Variants in MAPK8 observed in about 807,000 individuals in gnomAD.
MAPK8 encodes the protein JUN N-terminal kinase.
A neutral mutation model predicts 52.9 loss-of-function variants in MAPK8; 13 were observed. The observed-to-expected ratio is 0.25, with a 90% CI of 0.16 to 0.39. The LOEUF (loss-of-function observed/expected upper bound fraction) is 0.39. MAPK8 is among the 10% of genes least tolerant of loss of function. The pLI, the probability that MAPK8 is intolerant of heterozygous loss-of-function variation, is 1.00. For synonymous variants in MAPK8, 191 were observed against 169.8 expected (o/e 1.12, Z -0.97); for missense variants, 300 against 519.2 (o/e 0.58, Z 4.10).
chr10:48,314,803 A>T (rs924912570), intron 1 of MAPK8, among the ~76,000 whole-genome samples: 3 of 152,144 alleles, frequency 2.0e-5, no homozygotes, highest in Admixed American at 2.0e-4. Flanking sequence ...GATTAATTTT[A>T]CAAATTGGCT....
At chr10:48,392,824 T>G (rs1169812906) in intron 1 of MAPK8, among the ~76,000 whole-genome samples, 1 of 152,186 alleles carries the variant, frequency 6.6e-6, no homozygotes, top group Non-Finnish European at 1.5e-5. Context: ...TTTGGTCTTC[T>G]TTGTTAAACT....
At chr10:48,353,822 T>C (rs1344293485) in intron 1 of MAPK8, among the ~76,000 whole-genome samples, 2 of 152,178 alleles carry the variant, frequency 1.3e-5, no homozygotes. Flanking sequence ...GACAAAATTA[T>C]AGACATGGAG....
chr10:48,307,144 G>C (rs1474235571), intron 1 of MAPK8: 7 of 152,806 alleles, frequency 4.6e-5, no homozygotes, highest in African/African-American at 1.7e-4. Flanking sequence ...AATGGAGCGG[G>C]GGGGTGGGTG....
Position 48,438,089 on chromosome 10 carries a change from T to C in MAPK8, c.*3060T>C, listed in dbSNP as rs2045001880. On this transcript the variant is annotated 3_prime_UTR_variant, in exon 12 of 12. Transcript: ENST00000374189. ...ATTCGCCTGCACAACATTTTGAGGT[T>C]AGAACATAGAATATTTTCAGAAATA... 6.6e-6 allele frequency: 1 copy of C among 152,268 alleles called. No homozygotes were observed. The highest frequency in any genetic ancestry group is 1.5e-5 in the Non-Finnish European group (1 of 68,046). 9.4% of individuals were successfully genotyped at this position (152,268 alleles called of 1,614,324 possible). A position where few individuals can be genotyped will look rare whatever the true frequency, so the allele number is the denominator to read the frequency against.
At chr10:48,369,440 G>A (rs1848353679) in intron 1 of MAPK8, among the ~76,000 whole-genome samples, 1 of 152,166 alleles carries the variant, frequency 6.6e-6, no homozygotes, top group Non-Finnish European at 1.5e-5. Context: ...GATTGAAGAC[G>A]AAGAATTTAT....
At chr10:48,374,775 C>T (rs931619943) in intron 1 of MAPK8, among the ~76,000 whole-genome samples, 2 of 152,200 alleles carry the variant, frequency 1.3e-5, no homozygotes, top group Admixed American at 6.5e-5. Context: ...AAGCCCAGGA[C>T]CAGATGGATT....
rs2043933253 is a variant in MAPK8, at chr10:48,429,015, T to C, written c.1060+1872T>C. Among the ~76,000 whole-genome samples the C allele has an allele frequency of 2.0e-5, 3 of 150,106 alleles. No homozygotes were observed. In the South Asian group the frequency reaches 6.3e-4, roughly 32 times the overall value. ...TTTGTTTTTTTTTTTTGAGACAGGGTCTCACTGTGTTGCCCAGGCTGGTTT... is the reference window on the plus strand; with the variant it reads ...TTTGTTTTTTTTTTTTGAGACAGGGCCTCACTGTGTTGCCCAGGCTGGTTT... On this transcript the variant is annotated intron_variant, in intron 10 of 11. Coordinates refer to ENST00000374189, the MANE Select transcript of MAPK8 (RefSeq NM_001323329.2).
chr10:48,307,737 T>G (rs1363006632), intron 1 of MAPK8, among the ~76,000 whole-genome samples: 1 of 152,210 alleles, frequency 6.6e-6, no homozygotes, highest in Non-Finnish European at 1.5e-5. Flanking sequence ...AGAATTCTGG[T>G]CCGTCAGTCC....
intron 1 of MAPK8, chr10:48,308,327 T>G (rs1401724715): frequency 6.6e-6 from 1 of 152,166 alleles, no homozygotes; most frequent in African/African-American, 2.4e-5. Flanking sequence ...GAAAAGCTCT[T>G]TGTAATTGAT....
chr10:48,352,225 G>A (rs1420622776), intron 1 of MAPK8, among the ~76,000 whole-genome samples: 2 of 151,908 alleles, frequency 1.3e-5, no homozygotes, highest in Non-Finnish European at 2.9e-5. Flanking sequence ...CACTATTTCT[G>A]TGTAGTCTCT....
rs77397292 is a variant in MAPK8, at chr10:48,340,235, T to C, written c.-50+33414T>C. Among the ~76,000 whole-genome samples the C allele has an allele frequency of 7.9e-3, 1,209 of 152,294 alleles. 13 individuals carry two copies. Among genetic ancestry groups the C allele is most frequent in the African/African-American group, 0.028 (1,159 of 41,556 alleles). On this transcript the variant is annotated intron_variant, in intron 1 of 11. Transcript: ENST00000374189. ...TACAGAGCCATAATCAGGAATGAAATAATGTCCTTTACAGCAACGTGGATG... is the reference window on the plus strand; with the variant it reads ...TACAGAGCCATAATCAGGAATGAAACAATGTCCTTTACAGCAACGTGGATG...
intron 1 of MAPK8, among the ~76,000 whole-genome samples, chr10:48,317,412 C>T (rs1396548480): frequency 6.6e-6 from 1 of 152,252 alleles, no homozygotes; most frequent in South Asian, 2.1e-4. Context: ...ATCTTACCAC[C>T]TCCGCCTCCC....
intron 3 of MAPK8, among the ~76,000 whole-genome samples, chr10:48,405,939 C>G (rs2042442360): frequency 6.6e-6 from 1 of 152,048 alleles, no homozygotes; most frequent in South Asian, 2.1e-4. Context: ...ATTTGGGGAG[C>G]TTACAATGGT....
chr10:48,399,881 A>G (rs548241179), intron 1 of MAPK8, among the ~76,000 whole-genome samples: 3 of 152,326 alleles, frequency 2.0e-5, no homozygotes, highest in African/African-American at 7.2e-5. Context: ...AACACCATCA[A>G]CTTTGTGCTC....
At chr10:48,374,431 T>TA (rs1055946746) in intron 1 of MAPK8, among the ~76,000 whole-genome samples, 4 of 151,632 alleles carry the variant, frequency 2.6e-5, no homozygotes, top group African/African-American at 4.8e-5. Context: ...TGAAAAACCC[T>TA]AAAAAATCAA....
Position 48,308,951 on chromosome 10 carries a change from T to C in MAPK8, c.-50+2130T>C, listed in dbSNP as rs543148204. Among the ~76,000 whole-genome samples, 85 of 152,342 alleles carry C rather than the reference T, an allele frequency of 5.6e-4. 1 individual carries two copies. In the South Asian group the frequency reaches 0.014, roughly 24 times the overall value. On this transcript the variant is annotated intron_variant, in intron 1 of 11. Coordinates refer to ENST00000374189, the MANE Select transcript of MAPK8 (RefSeq NM_001323329.2). The stretch of plus-strand genomic sequence containing the variant: ...AAAGAATATGAAATGAGTTAACTAA[T>C]GAGTTTCTTATTATTTGCTGTAAAG...
chr10:48,337,115 A>G (rs1381486781), intron 1 of MAPK8, among the ~76,000 whole-genome samples: 1 of 152,190 alleles, frequency 6.6e-6, no homozygotes, highest in African/African-American at 2.4e-5. Flanking sequence ...TTTTGACCAA[A>G]TGGACGTAAT....
chr10:48,426,414 G>T lies in MAPK8; in HGVS notation c.906G>T (p.Leu302=). ...SQARDLLSKM[L]VIDASKRISV... is the part of the protein sequence containing the mutation. ...CAAGGGATTTGTTATCCAAAATGCT[G>T]GTAATAGATGCATCTAAAAGGATCT... The change falls in exon 9 of 12, where the codon CTG becomes CTT. Residue 302 remains leucine (L), a synonymous_variant. Coordinates refer to ENST00000374189, the MANE Select transcript of MAPK8 (RefSeq NM_001323329.2). 1 of 1,610,556 alleles carries T rather than the reference G, an allele frequency of 6.2e-7. No individual in the cohort carries two copies. The highest frequency in any genetic ancestry group is 8.5e-7 in the Non-Finnish European group (1 of 1,178,388).
At chr10:48,352,940 T>G (rs1464346879) in intron 1 of MAPK8, among the ~76,000 whole-genome samples, 1 of 152,150 alleles carries the variant, frequency 6.6e-6, no homozygotes, top group Non-Finnish European at 1.5e-5. Flanking sequence ...CAATTGAATT[T>G]CTCTACACTA....
Sources: allele counts gnomAD v4.1 joint callset (sites outside exome capture counted in the v4.1 genomes callset), GRCh38; gene constraint gnomAD v4.1.1; transcripts MANE v1.5; gene names NCBI Gene and HGNC (gene_info 2026-07-23, HGNC 2026-07-21).